Variants in DLG1 observed in about 807,000 individuals in gnomAD.
The protein encoded by DLG1 is discs large MAGUK scaffold protein 1.
Under a neutral mutation model 123.4 loss-of-function variants are expected in DLG1, and 42 were observed. That is an observed-to-expected ratio of 0.34 (90% CI 0.27 to 0.44). DLG1 has a LOEUF of 0.44. Among genes scored for constraint, DLG1 ranks in the 20% least tolerant of loss-of-function variants. The probability of loss-of-function intolerance (pLI) is 1.00; values close to 1 mark genes in which losing one functional copy is unlikely to be tolerated. For synonymous variants in DLG1, 317 were observed against 356.2 expected, an observed-to-expected ratio of 0.89 and a Z score of 1.24; for missense variants, 942 against 1,082.6, an observed-to-expected ratio of 0.87 and a Z score of 1.82.
chr3:197,195,159 C>T lies in DLG1; in HGVS notation c.319-570G>A, dbSNP rs1020969432. Among the ~76,000 whole-genome samples, 8 of 151,972 alleles carry T rather than the reference C, an allele frequency of 5.3e-5. 1 individual carries two copies. Among genetic ancestry groups the T allele is most frequent in the African/African-American group, 1.9e-4 (8 of 41,432 alleles). On this transcript the variant is annotated intron_variant, in intron 4 of 24. Transcript: ENST00000667157. ...AAGGCCTATGGCATAAATAAAGACA[C>T]ACTGAGATAAAATATTCTTTCCCAT...
intron 19 of DLG1, among the ~76,000 whole-genome samples, chr3:197,067,936 C>T (rs1228536772): frequency 6.6e-6 from 1 of 152,048 alleles, no homozygotes; most frequent in African/African-American, 2.4e-5. Context: ...ACTGTGTTAA[C>T]CCAAGTGGTT....
chr3:197,144,563 T>C (rs192649216), intron 6 of DLG1, among the ~76,000 whole-genome samples: 5 of 152,356 alleles, frequency 3.3e-5, no homozygotes, highest in Admixed American at 6.5e-5. Flanking sequence ...TATGCAATGA[T>C]AGATAACTGC....
At chr3:197,240,933 G>A (rs1293547992) in intron 4 of DLG1, among the ~76,000 whole-genome samples, 2 of 151,754 alleles carry the variant, frequency 1.3e-5, no homozygotes, top group African/African-American at 2.4e-5. Flanking sequence ...AAAAAAAAAT[G>A]TAAGAATTAT....
chr3:197,057,771 G>A (rs1218176569), intron 23 of DLG1, among the ~76,000 whole-genome samples: 1 of 152,026 alleles, frequency 6.6e-6, no homozygotes, highest in Non-Finnish European at 1.5e-5. Context: ...GGTGTCTGCT[G>A]CATGTGTAGT....
chr3:197,270,336 C>T (rs560691432), intron 4 of DLG1, among the ~76,000 whole-genome samples: 4 of 151,950 alleles, frequency 2.6e-5, no homozygotes, highest in Admixed American at 6.6e-5. Flanking sequence ...AAAAATTTCT[C>T]GGTATACAGT....
chr3:197,182,719 C>T (rs1212075566), intron 5 of DLG1, among the ~76,000 whole-genome samples: 4 of 150,556 alleles, frequency 2.7e-5, no homozygotes, highest in East Asian at 1.9e-4. Context: ...GACCATTTCT[C>T]GTCCTTTTAT....
intron 12 of DLG1, among the ~76,000 whole-genome samples, chr3:197,118,932 A>G (rs1013244754): frequency 2.0e-5 from 3 of 152,108 alleles, no homozygotes; most frequent in Non-Finnish European, 4.4e-5. Context: ...TGAGTCTAGG[A>G]GTTGGAGGCT....
rs551638202 is a variant in DLG1 at position 197,298,057 on chromosome 3, A to G, written c.-32+479T>C. 389 of 407,938 alleles carry G rather than the reference A, an allele frequency of 9.5e-4. 1 individual carries two copies. Among genetic ancestry groups the G allele is most frequent in the African/African-American group, 8.4e-3 (369 of 43,856 alleles). 25.3% of individuals were successfully genotyped at this position (407,938 alleles called of 1,614,324 possible). A position where few individuals can be genotyped will look rare whatever the true frequency, so the allele number is the denominator to read the frequency against. ...TCGCCCAGTTGCTGCCGCACGCCCC[A>G]CCCCCGGAACCTCGCCTCCTTCCGC... On this transcript the variant is annotated intron_variant, in intron 1 of 24. Coordinates refer to ENST00000667157, the MANE Select transcript of DLG1 (RefSeq NM_001366207.1).
At chr3:197,046,000 G>A (rs1199222069) in intron 24 of DLG1, among the ~76,000 whole-genome samples, 1 of 152,174 alleles carries the variant, frequency 6.6e-6, no homozygotes, top group Admixed American at 6.5e-5. Flanking sequence ...AGCTAGGAAC[G>A]CCTGAATAAC....
chr3:197,053,855 G>A (rs548182293), intron 23 of DLG1, among the ~76,000 whole-genome samples: 4 of 151,806 alleles, frequency 2.6e-5, no homozygotes, highest in East Asian at 1.9e-4. Context: ...CACTTTGGAA[G>A]GCTGAGGTGG....
chr3:197,099,134 T>C lies in DLG1; in HGVS notation c.1546+5769A>G, dbSNP rs180901795. ...AGGCTGGAGTGCAGTGGCACGATCA[T>C]GGCTCATAGTAGCTCTGACCTCCTG... On this transcript the variant is annotated intron_variant, in intron 14 of 24. Coordinates refer to ENST00000667157, the MANE Select transcript of DLG1 (RefSeq NM_001366207.1). 4.3e-4 allele frequency among the ~76,000 whole-genome samples: 65 copies of C among 152,334 alleles called. No individual in the cohort carries two copies. In the East Asian group the frequency reaches 7.7e-3, roughly 18 times the overall value.
chr3:197,044,667 GTTC>G lies in DLG1; in HGVS notation c.2635_2637del (p.Glu879del), dbSNP rs1721685961. On this transcript the variant is annotated inframe_deletion, in exon 25 of 25. Transcript: ENST00000667157. ...GGAACCCAGATGTAAGAACCAGATT[GTTC>G]TTCTATGATCTGTTTCACTTGGTTG... 1 of 1,610,464 alleles carries G rather than the reference GTTC, an allele frequency of 6.2e-7. No homozygotes were observed. The highest frequency in any genetic ancestry group is 8.5e-7 in the Non-Finnish European group (1 of 1,177,944).
chr3:197,162,119 G>A (rs1799016483), intron 5 of DLG1, among the ~76,000 whole-genome samples: 1 of 152,056 alleles, frequency 6.6e-6, no homozygotes, highest in Non-Finnish European at 1.5e-5. Flanking sequence ...TATGCATTCA[G>A]AAAACTAAAA....
intron 4 of DLG1, among the ~76,000 whole-genome samples, chr3:197,250,293 G>A (rs1468696978): frequency 6.6e-6 from 1 of 152,180 alleles, no homozygotes; most frequent in Non-Finnish European, 1.5e-5. Context: ...AAAAGCACCG[G>A]GCACGGCGGC....
intron 4 of DLG1, among the ~76,000 whole-genome samples, chr3:197,226,600 A>G (rs571958432): frequency 1.3e-5 from 2 of 152,370 alleles, no homozygotes; most frequent in Admixed American, 1.3e-4. Context: ...AAACAATTCA[A>G]GCAACAACAA....
At position 197,298,590 on chromosome 3, in the gene DLG1, C is replaced by G. The variant is rs1228850538; in HGVS notation, c.-86G>C. On this transcript the variant is annotated 5_prime_UTR_variant, in exon 1 of 25. Coordinates refer to ENST00000667157, the MANE Select transcript of DLG1 (RefSeq NM_001366207.1). The stretch of plus-strand genomic sequence containing the variant: ...GCCGTTTCCAACTCCGCGGCAGAGA[C>G]AGCGCCTGGCGACCCCGGGGGTAGA... 1 of 398,400 alleles carries G rather than the reference C, an allele frequency of 2.5e-6. No homozygotes were observed. The highest frequency in any genetic ancestry group is 3.6e-5 in the East Asian group (1 of 28,064). The allele number at this position is 398,400 out of a possible 1,614,324, so 24.7% of individuals were successfully genotyped here.
At chr3:197,254,175 C>T (rs1036515501) in intron 4 of DLG1, among the ~76,000 whole-genome samples, 9 of 152,116 alleles carry the variant, frequency 5.9e-5, no homozygotes, top group Admixed American at 3.9e-4. Context: ...GTTATTTGTC[C>T]CCACACATTA....
intron 4 of DLG1, among the ~76,000 whole-genome samples, chr3:197,216,178 A>G (rs1342322497): frequency 6.6e-6 from 1 of 152,244 alleles, no homozygotes; most frequent in African/African-American, 2.4e-5. Context: ...ACATATGAAT[A>G]AAATTCATTC....
chr3:197,056,759 C>T (rs1453270466), intron 23 of DLG1, among the ~76,000 whole-genome samples: 1 of 152,136 alleles, frequency 6.6e-6, no homozygotes, highest in African/African-American at 2.4e-5. Flanking sequence ...TACCTGTATA[C>T]TTAGGTCAAG....
Sources: allele counts gnomAD v4.1 joint callset (sites outside exome capture counted in the v4.1 genomes callset), GRCh38; gene constraint gnomAD v4.1.1; transcripts MANE v1.5; gene names NCBI Gene and HGNC (gene_info 2026-07-23, HGNC 2026-07-21).